Variants in TMEM132C observed in about 807,000 individuals in gnomAD.
TMEM132C encodes the protein transmembrane protein 132C, also known as protein phosphatase 1, regulatory subunit 152.
TMEM132C carries 29 observed loss-of-function variants against 61.4 expected under a neutral mutation model. The ratio of observed to expected loss-of-function variants is 0.47; its 90% confidence interval spans 0.35 to 0.64. The LOEUF (loss-of-function observed/expected upper bound fraction) is 0.64, where lower values mean the gene tolerates loss of function less well. Ranked by LOEUF, TMEM132C falls within the 30% of genes least tolerant of loss-of-function variation. TMEM132C has a pLI of 0.00. For missense variants in TMEM132C, 1,408 were observed against 1,476.9 expected (o/e 0.95, Z 0.76); for synonymous variants, 656 against 633.1 (o/e 1.04, Z -0.54).
chr12:128,705,561 GACA>G lies in TMEM132C; in HGVS notation c.2598_2600del (p.Asn866del). The G allele has an allele frequency of 6.4e-7, 1 of 1,551,188 alleles. No homozygotes were observed. Among genetic ancestry groups the G allele is most frequent in the Non-Finnish European group, 8.7e-7 (1 of 1,147,000 alleles). ...CACTACCACGGCCAGGTCCCTGCTG[GACA>G]ACAAAGTGGTGAAGAACAGTCGGGC... On this transcript the variant is annotated inframe_deletion, in exon 9 of 9. Coordinates refer to ENST00000435159, the MANE Select transcript of TMEM132C (RefSeq NM_001136103.3).
intron 2 of TMEM132C, among the ~76,000 whole-genome samples, chr12:128,508,432 C>G (rs571773787): frequency 6.6e-6 from 1 of 152,138 alleles, no homozygotes; most frequent in Non-Finnish European, 1.5e-5. Flanking sequence ...CTACGGCCCT[C>G]GAGATGAGGA....
At chr12:128,632,869 C>T (rs965776298) in intron 4 of TMEM132C, among the ~76,000 whole-genome samples, 15 of 152,214 alleles carry the variant, frequency 9.9e-5, no homozygotes, top group African/African-American at 3.4e-4. Flanking sequence ...TATGGAAACT[C>T]TTGGAGGTCC....
chr12:128,704,885 G>C (rs1049212091), intron 8 of TMEM132C, among the ~76,000 whole-genome samples: 10 of 152,220 alleles, frequency 6.6e-5, no homozygotes, highest in African/African-American at 2.4e-4. Context: ...GGCACTGTTA[G>C]TCACATCCCC....
chr12:128,559,279 T>C (rs1874435578), intron 3 of TMEM132C, among the ~76,000 whole-genome samples: 1 of 152,180 alleles, frequency 6.6e-6, no homozygotes, highest in Non-Finnish European at 1.5e-5. Context: ...CATAAAGTTC[T>C]TTATTCTTTT....
intron 3 of TMEM132C, among the ~76,000 whole-genome samples, chr12:128,584,461 T>A (rs1875464137): frequency 6.6e-6 from 1 of 152,330 alleles, no homozygotes; most frequent in South Asian, 2.1e-4. Context: ...CTAGTGTAAG[T>A]ACTCGTTTTT....
At chr12:128,392,212 G>A (rs2136000819) in intron 1 of TMEM132C, among the ~76,000 whole-genome samples, 1 of 152,284 alleles carries the variant, frequency 6.6e-6, no homozygotes, top group Non-Finnish European at 1.5e-5. Flanking sequence ...CTGGGGGGAG[G>A]TGGGTTGTCA....
chr12:128,475,376 C>T (rs1383264189), intron 2 of TMEM132C, among the ~76,000 whole-genome samples: 1 of 152,024 alleles, frequency 6.6e-6, no homozygotes, highest in African/African-American at 2.4e-5. Flanking sequence ...AACCAGAGAA[C>T]AGATTAGCAG....
chr12:128,521,751 C>G (rs6486694), intron 2 of TMEM132C, among the ~76,000 whole-genome samples: 143,805 of 152,208 alleles, frequency 0.94, 68,398 homozygotes, highest in East Asian at 1. Flanking sequence ...AGTTACAAAT[C>G]ATAGCTCAAG....
At chr12:128,460,078 A>G (rs181906956) in intron 2 of TMEM132C, among the ~76,000 whole-genome samples, 59 of 152,280 alleles carry the variant, frequency 3.9e-4, no homozygotes, top group African/African-American at 1.4e-3. Flanking sequence ...ATTACTAGTC[A>G]GAATTTCCCA....
chr12:128,624,793 C>A lies in TMEM132C; in HGVS notation c.1305+8458C>A, dbSNP rs576782435. 1.6e-4 allele frequency among the ~76,000 whole-genome samples: 24 copies of A among 152,288 alleles called. No homozygotes were observed. In the South Asian group the frequency reaches 3.5e-3, roughly 22 times the overall value. On this transcript the variant is annotated intron_variant, in intron 4 of 8. Coordinates refer to ENST00000435159, the MANE Select transcript of TMEM132C (RefSeq NM_001136103.3). ...AAATCACTTTACACTAGAAACCTGA[C>A]TGTTACTACAGAATGTTCATCCATG...
At chr12:128,663,706 C>CAT (rs1555241245) in intron 4 of TMEM132C, among the ~76,000 whole-genome samples, 1 of 132,150 alleles carries the variant, frequency 7.6e-6, no homozygotes, top group East Asian at 2.0e-4. Flanking sequence ...TGCATGTATG[C>CAT]GTGTGTGTAT....
chr12:128,553,312 T>G (rs1381971402), intron 3 of TMEM132C, among the ~76,000 whole-genome samples: 1 of 151,600 alleles, frequency 6.6e-6, no homozygotes, highest in Non-Finnish European at 1.5e-5. Flanking sequence ...CCTTACCTTT[T>G]TATTAGGCTT....
chr12:128,680,067 G>A (rs1288568639), intron 5 of TMEM132C, among the ~76,000 whole-genome samples: 1 of 152,180 alleles, frequency 6.6e-6, no homozygotes, highest in East Asian at 1.9e-4. Flanking sequence ...AGGATGAAGA[G>A]TAAGAAGACG....
chr12:128,369,192 A>T (rs1044864957), intron 1 of TMEM132C, among the ~76,000 whole-genome samples: 2 of 152,222 alleles, frequency 1.3e-5, no homozygotes, highest in Non-Finnish European at 2.9e-5. Context: ...AATTCCAGAC[A>T]CTGTCTTAAG....
At chr12:128,296,971 C>A (rs1169387568) in intron 1 of TMEM132C, among the ~76,000 whole-genome samples, 1 of 152,272 alleles carries the variant, frequency 6.6e-6, no homozygotes, top group South Asian at 2.1e-4. Flanking sequence ...CACCAAAACA[C>A]ACCCCGTGAT....
intron 1 of TMEM132C, among the ~76,000 whole-genome samples, chr12:128,356,676 G>A (rs1417992624): frequency 6.6e-6 from 1 of 152,198 alleles, no homozygotes; most frequent in African/African-American, 2.4e-5. Flanking sequence ...AAATCAGTTT[G>A]CTGCTGACCA....
chr12:128,633,028 G>A (rs1954075424), intron 4 of TMEM132C, among the ~76,000 whole-genome samples: 1 of 152,186 alleles, frequency 6.6e-6, no homozygotes, highest in Non-Finnish European at 1.5e-5. Flanking sequence ...GGTCTGTGGG[G>A]TGGTTCTGTC....
At chr12:128,651,938 G>A (rs368091420) in intron 4 of TMEM132C, among the ~76,000 whole-genome samples, 4 of 152,192 alleles carry the variant, frequency 2.6e-5, no homozygotes, top group Non-Finnish European at 5.9e-5. Context: ...CCAGCGGGAC[G>A]TTTGAGCAGA....
At chr12:128,703,066 C>G (rs1262847057) in intron 8 of TMEM132C, among the ~76,000 whole-genome samples, 5 of 152,170 alleles carry the variant, frequency 3.3e-5, no homozygotes, top group African/African-American at 7.2e-5. Context: ...GTCAAGAGCT[C>G]AGCTCTAAAG....
Sources: gnomAD v4.1 joint callset for allele counts (sites outside exome capture counted in the v4.1 genomes callset) on GRCh38, gnomAD v4.1.1 for gene constraint, MANE v1.5 for transcripts, NCBI Gene and HGNC (gene_info 2026-07-23, HGNC 2026-07-21) for gene names.